Variants in XKR4 observed in about 807,000 individuals in gnomAD.
XKR4 encodes XK-related protein 4.
A neutral mutation model predicts 53.9 loss-of-function variants in XKR4; 12 were observed. The ratio of observed to expected loss-of-function variants is 0.22; its 90% CI spans 0.14 to 0.36. XKR4 has a LOEUF of 0.36. XKR4 is among the 10% of genes least tolerant of loss of function. The pLI, the probability that XKR4 is intolerant of heterozygous loss-of-function variation, is 1.00. For missense variants in XKR4, 799 were observed against 859.5 expected (o/e 0.93, Z 0.88); for synonymous variants, 354 against 362.4 (o/e 0.98, Z 0.26).
At chr8:55,477,606 C>A (rs1482378725) in intron 2 of XKR4, among the ~76,000 whole-genome samples, 1 of 152,052 alleles carries the variant, frequency 6.6e-6, no homozygotes, top group East Asian at 1.9e-4. Flanking sequence ...TCAAACTACT[C>A]CGAGCTACAG....
intron 1 of XKR4, among the ~76,000 whole-genome samples, chr8:55,158,014 T>G (rs1474124237): frequency 6.6e-6 from 1 of 152,240 alleles, no homozygotes; most frequent in Non-Finnish European, 1.5e-5. Flanking sequence ...ATGATTTATA[T>G]TCCTTTGAAA....
intron 2 of XKR4, among the ~76,000 whole-genome samples, chr8:55,403,398 TA>T (rs1428397256): frequency 2.6e-5 from 4 of 152,362 alleles, no homozygotes; most frequent in Non-Finnish European, 5.9e-5. Context: ...ATAAATTAAG[TA>T]AGATAAGTGA....
Position 55,540,046 on chromosome 8 carries a change from A to G in XKR4, c.*15819A>G, listed in dbSNP as rs1377148117. ...CATGTACTTGAGATATAAGCTATAC[A>G]TCTCATCACTGGAAGAAAGGAGACT... On this transcript the variant is annotated 3_prime_UTR_variant, in exon 3 of 3. Coordinates refer to ENST00000327381, the MANE Select transcript of XKR4 (RefSeq NM_052898.2). 2 of 152,228 alleles carry G rather than the reference A, an allele frequency of 1.3e-5. No homozygotes were observed. The highest frequency in any genetic ancestry group is 2.9e-5 in the Non-Finnish European group (2 of 68,048). 9.4% of individuals were successfully genotyped at this position (152,228 alleles called of 1,614,324 possible).
Position 55,523,909 on chromosome 8 carries a change from C to A in XKR4, c.1635C>A (p.Thr545=), listed in dbSNP as rs779891836. The part of the protein sequence containing the change: ...FTLPPDVATS[T]LRSISNNRSV... ...TGCCCCCAGACGTGGCCACAAGCAC[C>A]CTACGGTCCATCTCCAACAACCGCA... is the stretch of plus-strand genomic sequence containing the variant. Residue 545 remains threonine, a synonymous_variant, in exon 3 of 3, where the codon ACC becomes ACA. Transcript: ENST00000327381. The A allele has an allele frequency of 3.7e-6, 6 of 1,614,060 alleles. No individual in the cohort carries two copies. The highest frequency in any genetic ancestry group is 5.1e-6 in the Non-Finnish European group (6 of 1,180,042).
intron 1 of XKR4, among the ~76,000 whole-genome samples, chr8:55,234,630 GGCA>G (rs1262243336): frequency 1.3e-5 from 2 of 152,130 alleles, no homozygotes; most frequent in Non-Finnish European, 2.9e-5. Flanking sequence ...TAGGAACACT[GGCA>G]ATGTTGAGTG....
chr8:55,141,781 G>T (rs1816707330), intron 1 of XKR4, among the ~76,000 whole-genome samples: 1 of 151,672 alleles, frequency 6.6e-6, no homozygotes, highest in Non-Finnish European at 1.5e-5. Flanking sequence ...TCAAATCCCT[G>T]AATCTCAATT....
chr8:55,459,243 A>G (rs1035933046), intron 2 of XKR4, among the ~76,000 whole-genome samples: 2 of 152,288 alleles, frequency 1.3e-5, no homozygotes, highest in East Asian at 3.9e-4. Flanking sequence ...ATGATCATAA[A>G]CCCTTGGCTT....
rs1339981736 is a variant in XKR4, at chr8:55,539,261, C to T, written c.*15034C>T. On this transcript the variant is annotated 3_prime_UTR_variant, in exon 3 of 3. Transcript: ENST00000327381. ...AGCAGATAATGTTTTCATGATATGG[C>T]TTCATGAGGCAAAGTTGTTGTACAT... The T allele has an allele frequency of 6.6e-6, 1 of 152,126 alleles. No individual in the cohort carries two copies. The highest frequency in any genetic ancestry group is 2.4e-5 in the African/African-American group (1 of 41,418). The allele number at this position is 152,126 out of a possible 1,614,324, so 9.4% of individuals were successfully genotyped here. A position where few individuals can be genotyped will look rare whatever the true frequency, so the allele number is the denominator to read the frequency against.
chr8:55,405,304 T>A (rs532922901), intron 2 of XKR4, among the ~76,000 whole-genome samples: 1 of 152,306 alleles, frequency 6.6e-6, no homozygotes, highest in East Asian at 1.9e-4. Context: ...GGAAATCTAA[T>A]AGCAGCAGAC....
chr8:55,342,915 C>A (rs572838830), intron 1 of XKR4, among the ~76,000 whole-genome samples: 1 of 152,174 alleles, frequency 6.6e-6, no homozygotes, highest in African/African-American at 2.4e-5. Context: ...TGTATTCCCT[C>A]GAGAGGAGTG....
At chr8:55,194,870 C>A (rs1817484200) in intron 1 of XKR4, among the ~76,000 whole-genome samples, 1 of 152,148 alleles carries the variant, frequency 6.6e-6, no homozygotes. Context: ...TAGCTGGTTT[C>A]TAATTCTTTG....
At chr8:55,294,049 G>C (rs1190497235) in intron 1 of XKR4, among the ~76,000 whole-genome samples, 1 of 152,066 alleles carries the variant, frequency 6.6e-6, no homozygotes, top group East Asian at 1.9e-4. Context: ...ATAAACATTT[G>C]GATCCACTGG....
intron 1 of XKR4, among the ~76,000 whole-genome samples, chr8:55,201,854 G>A (rs1817579967): frequency 6.6e-6 from 1 of 152,102 alleles, no homozygotes; most frequent in South Asian, 2.1e-4. Context: ...AGGAAAGGAT[G>A]GTTTCCAATC....
intron 2 of XKR4, among the ~76,000 whole-genome samples, chr8:55,384,903 C>T (rs533931025): frequency 6.6e-6 from 1 of 152,308 alleles, no homozygotes; most frequent in Non-Finnish European, 1.5e-5. Context: ...TGGATGAGCT[C>T]AGTGATTTAT....
intron 1 of XKR4, among the ~76,000 whole-genome samples, chr8:55,220,620 G>A (rs1817868813): frequency 6.6e-6 from 1 of 152,134 alleles, no homozygotes; most frequent in African/African-American, 2.4e-5. Context: ...GACTCTCAAA[G>A]CTCTCCCACT....
intron 2 of XKR4, among the ~76,000 whole-genome samples, chr8:55,469,628 G>A (rs1037046241): frequency 1.8e-4 from 28 of 152,112 alleles, no homozygotes; most frequent in African/African-American, 6.3e-4. Flanking sequence ...GCATAATATA[G>A]CAGAACTTAA....
chr8:55,381,135 T>C (rs1293196637), intron 2 of XKR4, among the ~76,000 whole-genome samples: 1 of 152,228 alleles, frequency 6.6e-6, no homozygotes, highest in Non-Finnish European at 1.5e-5. Flanking sequence ...TCCAGATTTA[T>C]TGGAGATGAT....
At chr8:55,138,029 A>G (rs919679285) in intron 1 of XKR4, among the ~76,000 whole-genome samples, 1 of 152,118 alleles carries the variant, frequency 6.6e-6, no homozygotes, top group African/African-American at 2.4e-5. Context: ...ATGTCTAATT[A>G]ATAATCTCAC....
intron 2 of XKR4, among the ~76,000 whole-genome samples, chr8:55,468,495 T>TA (rs1255607988): frequency 4.6e-5 from 7 of 151,868 alleles, no homozygotes; most frequent in African/African-American, 1.2e-4. Flanking sequence ...ATGTCTTATT[T>TA]AAAAAAAATA....
Sources: allele counts gnomAD v4.1 joint callset (sites outside exome capture counted in the v4.1 genomes callset), GRCh38; gene constraint gnomAD v4.1.1; transcripts MANE v1.5; gene names NCBI Gene and HGNC (gene_info 2026-07-23, HGNC 2026-07-21).